The following SDK1 variants were observed in gnomAD, a reference collection of about 807,000 sequenced individuals.
SDK1 encodes the protein protein sidekick-1.
SDK1 carries 157 observed loss-of-function variants against 245.5 expected under a neutral mutation model. The observed-to-expected ratio is 0.64, with a 90% CI of 0.56 to 0.73. SDK1 has a LOEUF of 0.73. Among genes scored for constraint, SDK1 ranks in the 30% least tolerant of loss-of-function variants. The pLI, the probability that SDK1 is intolerant of heterozygous loss-of-function variation, is 0.00. For missense variants in SDK1, 3,583 were observed against 3,002.3 expected (o/e 1.19, Z -4.52); for synonymous variants, 1,647 against 1,278.5 (o/e 1.29, Z -6.15).
chr7:3,672,271 C>G (rs1240760065), intron 4 of SDK1, among the ~76,000 whole-genome samples: 1 of 151,916 alleles, frequency 6.6e-6, no homozygotes. Flanking sequence ...TCTGTAGTGC[C>G]CAGTTATTGT....
intron 26 of SDK1, among the ~76,000 whole-genome samples, chr7:4,128,828 G>C (rs548764054): frequency 1.4e-5 from 2 of 138,750 alleles, no homozygotes; most frequent in East Asian, 4.4e-4. Context: ...CCCTGGAATA[G>C]AGCAGCTTGG....
intron 26 of SDK1, among the ~76,000 whole-genome samples, chr7:4,128,345 C>T (rs566404149): frequency 6.6e-6 from 1 of 152,374 alleles, no homozygotes; most frequent in East Asian, 1.9e-4. Context: ...GGCTCTGTGA[C>T]ACATGGCAGT....
intron 38 of SDK1, among the ~76,000 whole-genome samples, chr7:4,218,096 G>C (rs1584471078): frequency 6.6e-6 from 1 of 152,108 alleles, no homozygotes; most frequent in African/African-American, 2.4e-5. Flanking sequence ...AGTTTTGGAG[G>C]GTCACCCAAA....
At chr7:4,115,541 A>G (rs1467484027) in intron 25 of SDK1, among the ~76,000 whole-genome samples, 1 of 152,086 alleles carries the variant, frequency 6.6e-6, no homozygotes, top group Non-Finnish European at 1.5e-5. Flanking sequence ...ATTTGGCTCC[A>G]TTGTTTTTGC....
intron 22 of SDK1, among the ~76,000 whole-genome samples, chr7:4,097,403 C>T (rs1165364219): frequency 6.6e-6 from 1 of 152,224 alleles, no homozygotes; most frequent in Non-Finnish European, 1.5e-5. Flanking sequence ...TGCCGCATCT[C>T]CCCTTGGCAC....
chr7:3,474,738 T>C (rs1381894617), intron 1 of SDK1, among the ~76,000 whole-genome samples: 1 of 152,184 alleles, frequency 6.6e-6, no homozygotes, highest in Non-Finnish European at 1.5e-5. Context: ...TCACCCAGGC[T>C]GCAGTGCAGT....
At chr7:3,609,127 A>C (rs192380009) in intron 1 of SDK1, among the ~76,000 whole-genome samples, 1 of 152,276 alleles carries the variant, frequency 6.6e-6, no homozygotes, top group East Asian at 1.9e-4. Flanking sequence ...TAATGTAATG[A>C]CTTTGATTTT....
intron 5 of SDK1, among the ~76,000 whole-genome samples, chr7:3,918,886 A>G (rs1486023128): frequency 6.6e-6 from 1 of 152,100 alleles, no homozygotes; most frequent in African/African-American, 2.4e-5. Context: ...TCTCATGGAC[A>G]TATTCGTGCC....
At chr7:4,105,417 C>T (rs1048606579) in intron 22 of SDK1, among the ~76,000 whole-genome samples, 5 of 152,242 alleles carry the variant, frequency 3.3e-5, no homozygotes, top group African/African-American at 1.2e-4. Flanking sequence ...AGCGATTCTC[C>T]TGCCTCAGCC....
At chr7:4,132,237 C>G in intron 27 of SDK1, 88 bp from the exon 28 acceptor site, 1 of 1,045,350 alleles carries the variant, frequency 9.6e-7, no homozygotes, top group Non-Finnish European at 1.4e-6. Context: ...GTTACTGCAG[C>G]CAGCTGACCC....
Position 3,765,363 on chromosome 7 carries a change from T to C in SDK1, c.714-56087T>C, listed in dbSNP as rs1020794178. Among the ~76,000 whole-genome samples, 3 of 152,320 alleles carry C rather than the reference T, an allele frequency of 2.0e-5. No homozygotes were observed. In the South Asian group the frequency reaches 6.2e-4, roughly 32 times the overall value. On this transcript the variant is annotated intron_variant, in intron 4 of 44. Transcript: ENST00000404826. ...ATAGGGAAATACAGTATTTGCATCC[T>C]TACCACCTTGCCCCTAAAGGTGACT...
chr7:3,835,931 G>T (rs1265278534), intron 5 of SDK1, among the ~76,000 whole-genome samples: 3 of 152,218 alleles, frequency 2.0e-5, no homozygotes, highest in Non-Finnish European at 4.4e-5. Context: ...ACACAGTAAG[G>T]TCAAGACACA....
chr7:3,366,842 A>G (rs1781105950), intron 1 of SDK1, among the ~76,000 whole-genome samples: 1 of 152,074 alleles, frequency 6.6e-6, no homozygotes, highest in African/African-American at 2.4e-5. Context: ...CCTGGGTTCA[A>G]GCAATTCTCC....
At chr7:3,624,988 A>G (rs2568529) in intron 2 of SDK1, among the ~76,000 whole-genome samples, 143,484 of 152,152 alleles carry the variant, frequency 0.94, 67,719 homozygotes, top group South Asian at 0.97. Context: ...GCAGTAAGCC[A>G]AGATCATGCC....
At chr7:3,516,772 T>C (rs373315284) in intron 1 of SDK1, among the ~76,000 whole-genome samples, 1 of 152,190 alleles carries the variant, frequency 6.6e-6, no homozygotes, top group East Asian at 1.9e-4. Flanking sequence ...ATACTGAGTA[T>C]TAGACATTTT....
intron 5 of SDK1, among the ~76,000 whole-genome samples, chr7:3,830,787 G>A (rs1479579709): frequency 6.6e-6 from 1 of 152,148 alleles, no homozygotes; most frequent in African/African-American, 2.4e-5. Context: ...GTGAGCCACT[G>A]CACCTGGCCT....
chr7:3,824,177 T>C (rs1433731074), intron 5 of SDK1, among the ~76,000 whole-genome samples: 1 of 152,164 alleles, frequency 6.6e-6, no homozygotes, highest in African/African-American at 2.4e-5. Flanking sequence ...CCAGATTTAT[T>C]ATGAAATTAG....
At chr7:3,608,288 G>A (rs191895950) in intron 1 of SDK1, among the ~76,000 whole-genome samples, 58 of 152,274 alleles carry the variant, frequency 3.8e-4, no homozygotes, top group African/African-American at 1.0e-3. Flanking sequence ...AAAATGTGCC[G>A]GTTGTCTCAA....
intron 4 of SDK1, among the ~76,000 whole-genome samples, chr7:3,784,191 T>C (rs1583410291): frequency 6.6e-6 from 1 of 151,858 alleles, no homozygotes; most frequent in Non-Finnish European, 1.5e-5. Flanking sequence ...AGTGTTGGTA[T>C]TACAGGCATG....
Sources: allele counts gnomAD v4.1 joint callset (sites outside exome capture counted in the v4.1 genomes callset), GRCh38; gene constraint gnomAD v4.1.1; transcripts MANE v1.5; gene names NCBI Gene and HGNC (gene_info 2026-07-23, HGNC 2026-07-21).